Variants in PHIP observed in about 807,000 individuals in gnomAD.
PHIP encodes the protein PH-interacting protein.
PHIP carries 54 observed loss-of-function variants against 236.8 expected under a neutral mutation model. The ratio of observed to expected loss-of-function variants is 0.23; its 90% CI spans 0.18 to 0.29. The LOEUF (loss-of-function observed/expected upper bound fraction) is 0.29, where lower values mean the gene tolerates loss of function less well. Among genes scored for constraint, PHIP ranks in the 10% least tolerant of loss-of-function variants. PHIP has a pLI of 1.00. For synonymous variants in PHIP, 756 were observed against 718.9 expected, an observed-to-expected ratio of 1.05 and a Z score of -0.83; for missense variants, 1,370 against 2,190.8, an observed-to-expected ratio of 0.63 and a Z score of 7.48.
In PHIP at chr6:78,947,794, G is replaced by A; in HGVS notation, c.4054-19C>T. 6.3e-7 allele frequency: 1 copy of A among 1,576,128 alleles called. No homozygotes were observed. Among genetic ancestry groups the A allele is most frequent in the Non-Finnish European group, 8.7e-7 (1 of 1,151,230 alleles). The stretch of plus-strand genomic sequence containing the variant: ...TGTAGTCCTAGGAGAGGGAAAACAG[G>A]TGGTGTTATGATTATTACTACACAA... On this transcript the variant is annotated intron_variant, in intron 35 of 39. Coordinates refer to ENST00000275034, the MANE Select transcript of PHIP (RefSeq NM_017934.7).
intron 17 of PHIP, among the ~76,000 whole-genome samples, chr6:79,001,261 G>A (rs1052828274): frequency 1.3e-5 from 2 of 151,990 alleles, no homozygotes; most frequent in African/African-American, 4.8e-5. Context: ...GCAGTTTGTA[G>A]ACTTTGACTC....
intron 15 of PHIP, among the ~76,000 whole-genome samples, chr6:79,006,848 A>T (rs1770318052): frequency 6.6e-6 from 1 of 152,048 alleles, no homozygotes; most frequent in Non-Finnish European, 1.5e-5. Context: ...TAAAGCTCAT[A>T]GACATTAAAT....
At chr6:79,007,232 T>C (rs757749033) in intron 15 of PHIP, among the ~76,000 whole-genome samples, 4 of 152,104 alleles carry the variant, frequency 2.6e-5, no homozygotes, top group Non-Finnish European at 5.9e-5. Context: ...GAAGGTACTA[T>C]ACACAACTAA....
chr6:79,048,560 A>AT (rs1477841234), intron 6 of PHIP, among the ~76,000 whole-genome samples: 1 of 152,202 alleles, frequency 6.6e-6, no homozygotes, highest in East Asian at 1.9e-4. Context: ...ACAAGCACAC[A>AT]TGATAAAGCT....
At chr6:79,047,463 C>T (rs2127763368) in intron 6 of PHIP, among the ~76,000 whole-genome samples, 1 of 152,262 alleles carries the variant, frequency 6.6e-6, no homozygotes, top group East Asian at 1.9e-4. Flanking sequence ...CTATAGCAAT[C>T]ACTTTTAAAA....
At chr6:78,970,557 T>G (rs1767465964) in intron 25 of PHIP, among the ~76,000 whole-genome samples, 1 of 152,138 alleles carries the variant, frequency 6.6e-6, no homozygotes, top group Non-Finnish European at 1.5e-5. Flanking sequence ...ATAACTAAAT[T>G]TTGTACCCAA....
intron 39 of PHIP, among the ~76,000 whole-genome samples, chr6:78,941,879 T>C (rs1175257094): frequency 6.6e-6 from 1 of 152,164 alleles, no homozygotes; most frequent in Non-Finnish European, 1.5e-5. Flanking sequence ...TAAAAGGCCA[T>C]TATGCTTCAT....
chr6:79,077,255 T>C (rs1312821711), intron 4 of PHIP, among the ~76,000 whole-genome samples, 193 bp downstream of exon 4: 1 of 151,972 alleles, frequency 6.6e-6, no homozygotes, highest in East Asian at 1.9e-4. Context: ...CCGCAGCCCC[T>C]GCGGCCCCGA....
At chr6:79,070,524 A>T (rs2127779717) in intron 4 of PHIP, among the ~76,000 whole-genome samples, 1 of 152,328 alleles carries the variant, frequency 6.6e-6, no homozygotes, top group Middle Eastern at 3.4e-3. Context: ...CAAGGTATGT[A>T]TTTCTTGCAT....
Position 78,947,654 on chromosome 6 carries a change from G to A in PHIP, c.4175C>T (p.Ser1392Phe), listed in dbSNP as rs1197991568. The part of the protein sequence containing the change: ...CKDVRLIFSN[S>F]KAYTPSKRSR... ...TCTTTTGCTTGGTGTATATGCTTTG[G>A]AATTACTGAAAATAAGTCTGACATC... The change falls in exon 36 of 40, where the codon TCC becomes TTC. Residue 1392 changes from serine to phenylalanine, a missense_variant. By Grantham distance (155) the Ser-to-Phe change is radical (BLOSUM62 -2). Coordinates refer to ENST00000275034, the MANE Select transcript of PHIP (RefSeq NM_017934.7). The A allele has an allele frequency of 6.7e-7, 1 of 1,493,826 alleles. No individual in the cohort carries two copies. Among genetic ancestry groups the A allele is most frequent in the Non-Finnish European group, 9.3e-7 (1 of 1,072,098 alleles). The allele number at this position is 1,493,826 out of a possible 1,614,324, so 92.5% of individuals were successfully genotyped here. A position where few individuals can be genotyped will look rare whatever the true frequency, so the allele number is the denominator to read the frequency against.
chr6:79,013,835 A>AT (rs1038564652), intron 15 of PHIP, among the ~76,000 whole-genome samples: 1 of 151,486 alleles, frequency 6.6e-6, no homozygotes, highest in East Asian at 1.9e-4. Flanking sequence ...CTCACATATT[A>AT]TTTTTTTTAA....
chr6:79,069,119 T>C (rs1392085711), intron 4 of PHIP, among the ~76,000 whole-genome samples: 1 of 150,462 alleles, frequency 6.6e-6, no homozygotes, highest in Non-Finnish European at 1.5e-5. Flanking sequence ...TGTACACTAC[T>C]GTAGCATATA....
intron 17 of PHIP, 44 bp downstream of exon 17, chr6:79,001,855 G>T (rs747399720): frequency 2.4e-6 from 3 of 1,275,822 alleles, no homozygotes; most frequent in Admixed American, 1.7e-5. Flanking sequence ...TAACAGTTCG[G>T]TGGGAAGAAG....
chr6:78,945,412 A>C lies in PHIP; in HGVS notation c.4716T>G (p.Asn1572Lys). ...GQSSFSHGTRNNSAKENMEKE... is the reference protein window; with the variant it reads ...GQSSFSHGTRKNSAKENMEKE... ...TTTCCATGTTTTCTTTTGCAGAATT[A>C]TTCCTAGTGCCATGACTAAAACTGG... Residue 1572 changes from asparagine (N) to lysine (K), a missense_variant, in exon 39 of 40, where the codon AAT becomes AAG. By Grantham distance (94) the Asn-to-Lys change is moderately conservative (BLOSUM62 0). Coordinates refer to ENST00000275034, the MANE Select transcript of PHIP (RefSeq NM_017934.7). The C allele has an allele frequency of 2.5e-6, 4 of 1,612,096 alleles. No individual in the cohort carries two copies. Among genetic ancestry groups the C allele is most frequent in the Non-Finnish European group, 3.4e-6 (4 of 1,178,200 alleles).
At chr6:79,058,054 G>A (rs868786998) in intron 6 of PHIP, among the ~76,000 whole-genome samples, 2 of 151,840 alleles carry the variant, frequency 1.3e-5, no homozygotes, top group African/African-American at 2.4e-5. Flanking sequence ...AGGCAAAATG[G>A]GCAATCCACT....
intron 34 of PHIP, 125 bp from the exon 35 acceptor site, chr6:78,955,088 G>A (rs1171347130): frequency 2.3e-6 from 2 of 886,678 alleles, no homozygotes; most frequent in East Asian, 2.8e-5. Flanking sequence ...TATTCACCAA[G>A]TTCTAAAAAA....
intron 21 of PHIP, among the ~76,000 whole-genome samples, chr6:78,987,863 TG>T (rs1321072143): frequency 6.6e-6 from 1 of 152,192 alleles, no homozygotes; most frequent in East Asian, 1.9e-4. Flanking sequence ...TACAGCTTCA[TG>T]GTACCACTTA....
At chr6:78,988,387 T>A in intron 20 of PHIP, 38 bp from the exon 21 acceptor site, 1 of 1,463,342 alleles carries the variant, frequency 6.8e-7, no homozygotes, top group Non-Finnish European at 9.2e-7. Flanking sequence ...ACAGATTGTT[T>A]AAAGAGCAGG....
chr6:79,010,199 A>G (rs1770505061), intron 15 of PHIP, among the ~76,000 whole-genome samples: 1 of 151,856 alleles, frequency 6.6e-6, no homozygotes, highest in Admixed American at 6.6e-5. Flanking sequence ...ACCTATTTTG[A>G]GCTTCTCTTT....
Sources: allele counts gnomAD v4.1 joint callset (sites outside exome capture counted in the v4.1 genomes callset), GRCh38; gene constraint gnomAD v4.1.1; transcripts MANE v1.5; gene names NCBI Gene and HGNC (gene_info 2026-07-23, HGNC 2026-07-21).